The following EPHA3 variants were observed in gnomAD, a reference collection of about 807,000 sequenced individuals.
EPHA3 encodes ephrin type-A receptor 3.
A neutral mutation model predicts 107.1 loss-of-function variants in EPHA3; 42 were observed. That is an observed-to-expected ratio of 0.39 (90% CI 0.31 to 0.51). The LOEUF (loss-of-function observed/expected upper bound fraction) is 0.51, where lower values mean the gene tolerates loss of function less well. EPHA3 is among the 20% of genes least tolerant of loss of function. The probability of loss-of-function intolerance (pLI) is 0.78; values close to 1 mark genes in which losing one functional copy is unlikely to be tolerated. For missense variants in EPHA3, 1,183 were observed against 1,211.2 expected, an observed-to-expected ratio of 0.98 and a Z score of 0.35; for synonymous variants, 461 against 424.8, an observed-to-expected ratio of 1.09 and a Z score of -1.05.
intron 3 of EPHA3, among the ~76,000 whole-genome samples, chr3:89,274,979 G>A (rs1705770430): frequency 6.6e-6 from 1 of 151,914 alleles, no homozygotes; most frequent in African/African-American, 2.4e-5. Flanking sequence ...TATAATTCTA[G>A]TGCTGTTAAC....
At chr3:89,132,186 T>C (rs1297115264) in intron 2 of EPHA3, among the ~76,000 whole-genome samples, 2 of 152,096 alleles carry the variant, frequency 1.3e-5, no homozygotes, top group Non-Finnish European at 2.9e-5. Flanking sequence ...CAGCTGCATT[T>C]CTCTCGGGAC....
chr3:89,108,534 G>A (rs544447532), intron 1 of EPHA3, among the ~76,000 whole-genome samples: 4 of 152,320 alleles, frequency 2.6e-5, no homozygotes, highest in East Asian at 1.9e-4. Flanking sequence ...TTAATGAATA[G>A]TGGATAGCTC....
chr3:89,185,058 C>T (rs1045347346), intron 2 of EPHA3, among the ~76,000 whole-genome samples: 6 of 151,976 alleles, frequency 3.9e-5, no homozygotes, highest in African/African-American at 1.4e-4. Flanking sequence ...GCTTTATCTG[C>T]ATGTGTGGGC....
At chr3:89,314,903 T>C (rs1227335116) in intron 3 of EPHA3, among the ~76,000 whole-genome samples, 4 of 151,936 alleles carry the variant, frequency 2.6e-5, no homozygotes, top group Non-Finnish European at 5.9e-5. Flanking sequence ...TATCATAGAA[T>C]GTACTTACAC....
intron 3 of EPHA3, among the ~76,000 whole-genome samples, chr3:89,236,966 T>A (rs1427428505): frequency 1.3e-5 from 2 of 152,196 alleles, no homozygotes; most frequent in East Asian, 3.9e-4. Context: ...CAGATACTTA[T>A]TGCAGTACTG....
intron 3 of EPHA3, among the ~76,000 whole-genome samples, chr3:89,212,509 C>T (rs1050518719): frequency 5.3e-5 from 8 of 151,798 alleles, no homozygotes; most frequent in African/African-American, 1.9e-4. Context: ...TTTTTAGATC[C>T]CAGCATAACT....
intron 2 of EPHA3, among the ~76,000 whole-genome samples, chr3:89,199,031 A>G (rs1705908033): frequency 1.3e-5 from 2 of 152,208 alleles, no homozygotes; most frequent in Non-Finnish European, 2.9e-5. Flanking sequence ...TATCTTTCCA[A>G]GAATTGGAAA....
intron 5 of EPHA3, among the ~76,000 whole-genome samples, chr3:89,374,934 C>T (rs1559670817): frequency 6.6e-6 from 1 of 151,820 alleles, no homozygotes; most frequent in Non-Finnish European, 1.5e-5. Flanking sequence ...AACTATCCTT[C>T]ATTCCACTAT....
chr3:89,385,681 AG>A (rs1335825974), intron 5 of EPHA3, among the ~76,000 whole-genome samples: 4 of 152,182 alleles, frequency 2.6e-5, no homozygotes, highest in Non-Finnish European at 5.9e-5. Context: ...TGCTGCTATA[AG>A]GATACCCAAA....
intron 2 of EPHA3, among the ~76,000 whole-genome samples, chr3:89,179,014 T>C (rs1705380051): frequency 1.3e-5 from 2 of 151,962 alleles, no homozygotes; most frequent in African/African-American, 2.4e-5. Flanking sequence ...AAAAGCAAAA[T>C]GGTACAAACT....
At chr3:89,338,435 C>T (rs958810941) in intron 3 of EPHA3, among the ~76,000 whole-genome samples, 1 of 152,110 alleles carries the variant, frequency 6.6e-6, no homozygotes, top group African/African-American at 2.4e-5. Flanking sequence ...TATTAAATGC[C>T]CGCTGCCCAT....
At chr3:89,276,679 G>A (rs1444759883) in intron 3 of EPHA3, among the ~76,000 whole-genome samples, 1 of 152,004 alleles carries the variant, frequency 6.6e-6, no homozygotes, top group African/African-American at 2.4e-5. Flanking sequence ...GAGAAAATAA[G>A]TTTTACCATG....
chr3:89,174,042 C>T (rs1335760319), intron 2 of EPHA3, among the ~76,000 whole-genome samples: 3 of 151,916 alleles, frequency 2.0e-5, no homozygotes, highest in African/African-American at 4.8e-5. Context: ...GGAAAAATTA[C>T]TCGGCTTTTA....
At chr3:89,209,321 A>G (rs970697708) in intron 2 of EPHA3, among the ~76,000 whole-genome samples, 3 of 152,112 alleles carry the variant, frequency 2.0e-5, no homozygotes, top group Non-Finnish European at 2.9e-5. Flanking sequence ...TTTTTTTTTC[A>G]TAGTTCTGCA....
intron 7 of EPHA3, among the ~76,000 whole-genome samples, chr3:89,403,017 G>T (rs899585195): frequency 2.0e-5 from 3 of 152,160 alleles, no homozygotes; most frequent in African/African-American, 7.2e-5. Context: ...TCTCATTCAT[G>T]ACATGTATGC....
chr3:89,174,556 G>T (rs1705279154), intron 2 of EPHA3, among the ~76,000 whole-genome samples: 1 of 151,578 alleles, frequency 6.6e-6, no homozygotes, highest in Admixed American at 6.6e-5. Context: ...TGATTGCAGA[G>T]AGTATATTTA....
rs551174877 is a variant in EPHA3 at position 89,128,290 on chromosome 3, C to T, written c.153+1017C>T. ...TGTCATCTTTGTATCTGCTTCTCTTCCTGACACACCTTGACTTTGACAATA... is the reference window on the plus strand; with the variant it reads ...TGTCATCTTTGTATCTGCTTCTCTTTCTGACACACCTTGACTTTGACAATA... On this transcript the variant is annotated intron_variant, in intron 2 of 16. Coordinates refer to ENST00000336596, the MANE Select transcript of EPHA3 (RefSeq NM_005233.6). Among the ~76,000 whole-genome samples, 99 of 152,238 alleles carry T rather than the reference C, an allele frequency of 6.5e-4. 1 individual carries two copies. Among genetic ancestry groups the T allele is most frequent in the Non-Finnish European group, 1.3e-3 (89 of 68,002 alleles).
intron 5 of EPHA3, among the ~76,000 whole-genome samples, chr3:89,371,482 G>A (rs528314281): frequency 1.4e-4 from 22 of 151,778 alleles, no homozygotes; most frequent in African/African-American, 5.1e-4. Context: ...TAAAAGATAA[G>A]ATAAGAAATG....
Position 89,107,849 on chromosome 3 carries a change from C to T in EPHA3, c.88+13C>T, listed in dbSNP as rs1233330567. 6.2e-7 allele frequency: 1 copy of T among 1,612,892 alleles called. No individual in the cohort carries two copies. The highest frequency in any genetic ancestry group is 8.5e-7 in the Non-Finnish European group (1 of 1,179,000). On this transcript the variant is annotated intron_variant, in intron 1 of 16. Transcript: ENST00000336596. The stretch of plus-strand genomic sequence containing the variant: ...CCTTCCAATGAAGGTAAGCCAGGTA[C>T]CGCGACGCACGGAGCTCTGCCCCGC...
Sources: allele counts gnomAD v4.1 joint callset (sites outside exome capture counted in the v4.1 genomes callset), GRCh38; gene constraint gnomAD v4.1.1; transcripts MANE v1.5; gene names NCBI Gene and HGNC (gene_info 2026-07-23, HGNC 2026-07-21).